CREBRF: variants seen among roughly 807,000 people sequenced by gnomAD.
The protein encoded by CREBRF is CREB3 regulatory factor, also known as UPF0474 protein C5orf41.
CREBRF carries 5 observed loss-of-function variants against 66.1 expected under a neutral mutation model. The ratio of observed to expected loss-of-function variants is 0.08; its 90% confidence interval spans 0.04 to 0.16. The LOEUF is 0.16. CREBRF is among the 10% of genes least tolerant of loss of function. The probability of loss-of-function intolerance (pLI) is 1.00; values close to 1 mark genes in which losing one functional copy is unlikely to be tolerated. For missense variants in CREBRF, 531 were observed against 744.9 expected, an observed-to-expected ratio of 0.71 and a Z score of 3.34; for synonymous variants, 229 against 264.4, an observed-to-expected ratio of 0.87 and a Z score of 1.30.
rs1758807160 is a variant in CREBRF at position 173,108,790 on chromosome 5, T to C, written c.1389T>C (p.Asn463=). The C allele has an allele frequency of 3.1e-6, 5 of 1,612,198 alleles. No individual in the cohort carries two copies. Among genetic ancestry groups the C allele is most frequent in the Non-Finnish European group, 4.2e-6 (5 of 1,179,542 alleles). ...SEWNRDTLPS[N]MYQKNGLHHG... ...GGAACCGAGATACTTTGCCAAGTAA[T>C]ATGTATCAGAAAAATGGCTTACATC... is the stretch of plus-strand genomic sequence containing the variant. The change falls in exon 5 of 9, where the codon AAT becomes AAC. Residue 463 remains asparagine, a synonymous_variant. Transcript: ENST00000296953.
chr5:173,075,463 T>TA (rs1446804645), intron 1 of CREBRF, among the ~76,000 whole-genome samples: 1 of 152,200 alleles, frequency 6.6e-6, no homozygotes, highest in Non-Finnish European at 1.5e-5. Context: ...CTTGACTTAG[T>TA]AAGCATCTGA....
intron 1 of CREBRF, among the ~76,000 whole-genome samples, chr5:173,072,107 A>T (rs1757614710): frequency 6.6e-6 from 1 of 151,846 alleles, no homozygotes; most frequent in South Asian, 2.1e-4. Flanking sequence ...TAAATTTAAA[A>T]TTTTTCCTTT....
rs915443305 is a variant in CREBRF, at chr5:173,086,513, G to A, written c.22G>A (p.Gly8Arg). The A allele has an allele frequency of 1.3e-5, 21 of 1,613,486 alleles. No homozygotes were observed. The highest frequency in any genetic ancestry group is 1.6e-5 in the Non-Finnish European group (19 of 1,179,658). MPQPSVSGMDPPFGDAFR... is the reference protein window; with the variant it reads MPQPSVSRMDPPFGDAFR... ...CACTCTGTTGTAGCCTAGTGTAAGC[G>A]GAATGGATCCGCCTTTCGGGGATGC... The change falls in exon 3 of 9, where the codon GGA becomes AGA. Residue 8 changes from glycine to arginine, a missense_variant. Transcript: ENST00000296953.
chr5:173,129,106 C>CTTTTTTTTTT lies in CREBRF; in HGVS notation c.1805-4505_1805-4496dup, dbSNP rs70984946. Reference sequence around the variant, plus strand: ...CTGAATCATTTTATATTAGTTACATCTTTTTTTTTTTTTTTTTTTTTTTTT... The same window carrying CTTTTTTTTTT: ...CTGAATCATTTTATATTAGTTACATCTTTTTTTTTTTTTTTTTTTTTTTTTTTTTTTTTTT... On this transcript the variant is annotated intron_variant, in intron 8 of 8. Coordinates refer to ENST00000296953, the MANE Select transcript of CREBRF (RefSeq NM_153607.3). 9.1e-4 allele frequency among the ~76,000 whole-genome samples: 49 copies of CTTTTTTTTTT among 53,750 alleles called. 5 individuals are homozygous for CTTTTTTTTTT. The highest frequency in any genetic ancestry group is 2.8e-3 in the South Asian group (3 of 1,070). 35.3% of individuals were successfully genotyped at this position (53,750 alleles called of 152,430 possible).
intron 7 of CREBRF, 59 bp from the exon 8 acceptor site, chr5:173,123,020 AT>A (rs1759178155): frequency 9.4e-6 from 14 of 1,491,188 alleles, no homozygotes; most frequent in African/African-American, 1.4e-5. Context: ...TTATTACATA[AT>A]TAAAAGGAAA....
chr5:173,117,319 C>T (rs1339177864), intron 7 of CREBRF, among the ~76,000 whole-genome samples: 2 of 149,436 alleles, frequency 1.3e-5, no homozygotes, highest in East Asian at 2.0e-4. Flanking sequence ...GGTATGGGTG[C>T]AGTGAGCTGA....
intron 2 of CREBRF, chr5:173,086,016 A>T: frequency 7.3e-7 from 1 of 1,373,852 alleles, no homozygotes; most frequent in Non-Finnish European, 1.0e-6. Context: ...AGCGGTCATA[A>T]TCTGTCATAA....
At chr5:173,066,979 A>C (rs1332286552) in intron 1 of CREBRF, among the ~76,000 whole-genome samples, 2 of 151,346 alleles carry the variant, frequency 1.3e-5, no homozygotes, top group African/African-American at 2.4e-5. Flanking sequence ...ATGCCTGATT[A>C]ATTTTTGATT....
intron 4 of CREBRF, among the ~76,000 whole-genome samples, chr5:173,104,045 T>C (rs910704010): frequency 6.6e-6 from 1 of 152,208 alleles, no homozygotes; most frequent in South Asian, 2.1e-4. Flanking sequence ...TGCCTACTTT[T>C]GTGGCAGGCA....
intron 4 of CREBRF, among the ~76,000 whole-genome samples, chr5:173,096,000 T>C (rs1051514276): frequency 6.6e-6 from 1 of 152,050 alleles, no homozygotes; most frequent in African/African-American, 2.4e-5. Context: ...GACAGAGTCT[T>C]GCTCTGTTGC....
chr5:173,126,423 G>C (rs1759276418), intron 8 of CREBRF, among the ~76,000 whole-genome samples: 1 of 152,220 alleles, frequency 6.6e-6, no homozygotes, highest in Non-Finnish European at 1.5e-5. Flanking sequence ...TTACAGGCCT[G>C]AGCCACTGCA....
chr5:173,116,168 G>A (rs1758984067), intron 7 of CREBRF, among the ~76,000 whole-genome samples: 1 of 152,170 alleles, frequency 6.6e-6, no homozygotes, highest in Non-Finnish European at 1.5e-5. Context: ...CTCTGAAGAG[G>A]TAGAGATTAA....
intron 1 of CREBRF, among the ~76,000 whole-genome samples, chr5:173,078,831 A>G (rs1757847793): frequency 6.6e-6 from 1 of 152,058 alleles, no homozygotes; most frequent in Non-Finnish European, 1.5e-5. Flanking sequence ...AGCCGACCCT[A>G]TTGCTAGTAA....
At chr5:173,072,841 G>A (rs989966388) in intron 1 of CREBRF, among the ~76,000 whole-genome samples, 1 of 152,152 alleles carries the variant, frequency 6.6e-6, no homozygotes, top group Non-Finnish European at 1.5e-5. Flanking sequence ...GAAAAAGAGG[G>A]AAGGGCAAAG....
intron 2 of CREBRF, chr5:173,086,175 C>G: frequency 1.3e-6 from 1 of 774,554 alleles, no homozygotes. Flanking sequence ...GCCAACAGCA[C>G]CATCACCCAC....
chr5:173,064,211 A>G (rs1480238146), intron 1 of CREBRF, among the ~76,000 whole-genome samples: 1 of 152,028 alleles, frequency 6.6e-6, no homozygotes, highest in Non-Finnish European at 1.5e-5. Flanking sequence ...CTTTTCTATT[A>G]TAGGTTAGTC....
chr5:173,117,512 T>C (rs1266041688), intron 7 of CREBRF, among the ~76,000 whole-genome samples: 115 of 53,856 alleles, frequency 2.1e-3, no homozygotes, highest in African/African-American at 7.8e-3. Flanking sequence ...CTTTTTGCCT[T>C]CCCTTCCCTC....
intron 3 of CREBRF, among the ~76,000 whole-genome samples, chr5:173,089,234 CA>C (rs1758257064): frequency 6.7e-6 from 1 of 148,386 alleles, no homozygotes; most frequent in African/African-American, 2.5e-5. Flanking sequence ...CACACACACA[CA>C]CACCCCAAAA....
At chr5:173,124,452 G>A (rs1759212947) in intron 8 of CREBRF, 1 of 152,014 alleles carries the variant, frequency 6.6e-6, no homozygotes, top group Non-Finnish European at 1.5e-5. Context: ...CAGGTACTTG[G>A]GAGGCTGAGG....
Sources: gnomAD v4.1 joint callset for allele counts (sites outside exome capture counted in the v4.1 genomes callset) on GRCh38, gnomAD v4.1.1 for gene constraint, MANE v1.5 for transcripts, NCBI Gene and HGNC (gene_info 2026-07-23, HGNC 2026-07-21) for gene names.